The following NKAIN2 variants were observed in gnomAD, a reference collection of about 807,000 sequenced individuals.
The protein encoded by NKAIN2 is sodium/potassium transporting ATPase interacting 2.
In NKAIN2, 14 loss-of-function variants were observed where a neutral mutation model predicts 32.6. The ratio of observed to expected loss-of-function variants is 0.43; its 90% CI spans 0.28 to 0.67. The LOEUF is 0.67. Among genes scored for constraint, NKAIN2 ranks in the 30% least tolerant of loss-of-function variants. The pLI is 0.17. For synonymous variants in NKAIN2, 80 were observed against 87.2 expected, an observed-to-expected ratio of 0.92 and a Z score of 0.46; for missense variants, 198 against 258.3, an observed-to-expected ratio of 0.77 and a Z score of 1.60.
At chr6:123,819,364 A>T (rs924365691) in intron 1 of NKAIN2, among the ~76,000 whole-genome samples, 2 of 152,186 alleles carry the variant, frequency 1.3e-5, no homozygotes, top group African/African-American at 4.8e-5. Context: ...ATTAGCCAGG[A>T]CACACATTAG....
intron 3 of NKAIN2, among the ~76,000 whole-genome samples, chr6:124,423,132 A>C (rs1035776723): frequency 6.6e-6 from 1 of 152,234 alleles, no homozygotes; most frequent in Non-Finnish European, 1.5e-5. Context: ...CTTTCCTGTG[A>C]GTTCTCAAAG....
chr6:124,395,406 AGT>A (rs1773334311), intron 3 of NKAIN2, among the ~76,000 whole-genome samples: 1 of 152,198 alleles, frequency 6.6e-6, no homozygotes, highest in African/African-American at 2.4e-5. Flanking sequence ...TATGGTTATA[AGT>A]GGATATCATA....
chr6:124,409,718 A>C (rs1031859475), intron 3 of NKAIN2, among the ~76,000 whole-genome samples: 2 of 152,222 alleles, frequency 1.3e-5, no homozygotes, highest in Non-Finnish European at 2.9e-5. Context: ...AAAATGAGTT[A>C]GGGAGGATTC....
chr6:124,451,868 A>C (rs889374992), intron 3 of NKAIN2, among the ~76,000 whole-genome samples: 1 of 152,022 alleles, frequency 6.6e-6, no homozygotes, highest in African/African-American at 2.4e-5. Context: ...GGATGTGATA[A>C]GGGGATTTCC....
intron 1 of NKAIN2, among the ~76,000 whole-genome samples, chr6:124,074,376 T>C (rs1338439748): frequency 6.6e-6 from 1 of 152,194 alleles, no homozygotes; most frequent in Admixed American, 6.5e-5. Flanking sequence ...TCTTATCATT[T>C]TGGGAATGGT....
intron 5 of NKAIN2, among the ~76,000 whole-genome samples, chr6:124,797,684 G>A (rs1780062772): frequency 6.6e-6 from 1 of 152,054 alleles, no homozygotes; most frequent in African/African-American, 2.4e-5. Context: ...AAAGCCTGCT[G>A]GCCTACACTT....
intron 4 of NKAIN2, among the ~76,000 whole-genome samples, chr6:124,725,950 G>T (rs181022882): frequency 6.6e-5 from 10 of 152,290 alleles, no homozygotes; most frequent in African/African-American, 2.4e-4. Flanking sequence ...GGTGACGGAC[G>T]GCACCTTGAA....
At chr6:124,211,770 A>AT (rs1478577318) in intron 1 of NKAIN2, among the ~76,000 whole-genome samples, 2 of 152,062 alleles carry the variant, frequency 1.3e-5, no homozygotes, top group Non-Finnish European at 2.9e-5. Flanking sequence ...TGATTTTTAG[A>AT]TTTTTTTGTC....
chr6:124,330,847 A>G (rs1313402655), intron 2 of NKAIN2, among the ~76,000 whole-genome samples: 1 of 152,180 alleles, frequency 6.6e-6, no homozygotes, highest in African/African-American at 2.4e-5. Flanking sequence ...CAGTAGCATT[A>G]GATTCTCACA....
intron 2 of NKAIN2, among the ~76,000 whole-genome samples, chr6:124,290,774 T>C (rs182955052): frequency 2.0e-5 from 3 of 152,146 alleles, no homozygotes; most frequent in Admixed American, 1.3e-4. Flanking sequence ...ATTCTATTGC[T>C]TGATATTCAT....
intron 4 of NKAIN2, among the ~76,000 whole-genome samples, chr6:124,725,490 A>C (rs946592929): frequency 2.0e-5 from 3 of 152,272 alleles, no homozygotes; most frequent in African/African-American, 7.2e-5. Context: ...AAAACTAAAG[A>C]TCTTTTAGAG....
intron 1 of NKAIN2, among the ~76,000 whole-genome samples, chr6:124,041,385 G>GT (rs1303286643): frequency 2.0e-5 from 3 of 151,992 alleles, no homozygotes; most frequent in Non-Finnish European, 2.9e-5. Flanking sequence ...TTCTGAAAAC[G>GT]TAAGGCCAAA....
chr6:124,251,341 A>T (rs1229654732), intron 1 of NKAIN2, among the ~76,000 whole-genome samples: 1 of 152,044 alleles, frequency 6.6e-6, no homozygotes, highest in Admixed American at 6.6e-5. Flanking sequence ...GAAAGGTAAC[A>T]TGTCTGTATT....
chr6:124,136,261 T>C (rs1786778659), intron 1 of NKAIN2, among the ~76,000 whole-genome samples: 1 of 152,092 alleles, frequency 6.6e-6, no homozygotes, highest in Non-Finnish European at 1.5e-5. Context: ...ATGCACAATC[T>C]TGAGGAGATG....
intron 2 of NKAIN2, among the ~76,000 whole-genome samples, chr6:124,291,515 T>C (rs1414780850): frequency 2.0e-5 from 3 of 152,006 alleles, no homozygotes; most frequent in Admixed American, 2.0e-4. Context: ...CAGGAGTCCC[T>C]TTCTCTGAAG....
At chr6:124,531,427 G>A (rs954600590) in intron 3 of NKAIN2, among the ~76,000 whole-genome samples, 2 of 152,094 alleles carry the variant, frequency 1.3e-5, no homozygotes, top group Non-Finnish European at 1.5e-5. Flanking sequence ...TCATTTTAAT[G>A]TACTATTTAA....
At chr6:124,493,596 ACTT>A (rs1353210050) in intron 3 of NKAIN2, among the ~76,000 whole-genome samples, 1 of 150,868 alleles carries the variant, frequency 6.6e-6, no homozygotes, top group Non-Finnish European at 1.5e-5. Flanking sequence ...TTTTCTTTGT[ACTT>A]CTTGGGAATT....
At chr6:124,377,377 T>G (rs1051611137) in intron 3 of NKAIN2, among the ~76,000 whole-genome samples, 1 of 152,192 alleles carries the variant, frequency 6.6e-6, no homozygotes, top group African/African-American at 2.4e-5. Flanking sequence ...TCATATATTC[T>G]AAAGCCTAGC....
chr6:124,750,496 G>C (rs768518466), intron 4 of NKAIN2, among the ~76,000 whole-genome samples: 1 of 32,874 alleles, frequency 3.0e-5, no homozygotes, highest in Non-Finnish European at 7.1e-5. Context: ...TGGAGGAAGA[G>C]ATGGATGGAT....
Sources: allele counts gnomAD v4.1 joint callset (sites outside exome capture counted in the v4.1 genomes callset), GRCh38; gene constraint gnomAD v4.1.1; transcripts MANE v1.5; gene names NCBI Gene and HGNC (gene_info 2026-07-23, HGNC 2026-07-21).